Variants in TBC1D32 observed in about 807,000 individuals in gnomAD.
The protein encoded by TBC1D32 is TBC1 domain family member 32, also known as protein broad-minded.
TBC1D32 carries 151 observed loss-of-function variants against 170.3 expected under a neutral mutation model. The observed-to-expected ratio is 0.89, with a 90% CI of 0.78 to 1.01. The LOEUF is 1.01. TBC1D32 is among the 50% of genes least tolerant of loss of function. The pLI is 0.00. For missense variants in TBC1D32, 1,464 were observed against 1,457.1 expected (o/e 1.00, Z -0.08); for synonymous variants, 498 against 488.0 (o/e 1.02, Z -0.27).
chr6:121,199,735 G>C (rs1417132805), intron 22 of TBC1D32, among the ~76,000 whole-genome samples: 2 of 151,026 alleles, frequency 1.3e-5, no homozygotes, highest in Non-Finnish European at 1.5e-5. Flanking sequence ...GATTACAAGA[G>C]GTAATTGTGA....
chr6:121,152,647 T>C (rs961559990), intron 24 of TBC1D32, among the ~76,000 whole-genome samples: 1 of 152,214 alleles, frequency 6.6e-6, no homozygotes, highest in Non-Finnish European at 1.5e-5. Flanking sequence ...CAATCAAATG[T>C]AGGTTTGGTC....
At chr6:121,288,008 T>C (rs1159213830) in intron 12 of TBC1D32, among the ~76,000 whole-genome samples, 1 of 152,152 alleles carries the variant, frequency 6.6e-6, no homozygotes, top group South Asian at 2.1e-4. Flanking sequence ...AAACAGTGTG[T>C]AGAGGGAAAT....
chr6:121,242,366 C>G (rs374751241), intron 17 of TBC1D32, 27 bp from the exon 18 acceptor site: 159 of 1,606,004 alleles, frequency 9.9e-5, no homozygotes, highest in South Asian at 1.9e-4. Flanking sequence ...AAAGGTAGAG[C>G]TTTCTTTAAG....
At chr6:121,295,126 A>C (rs1805421907) in intron 10 of TBC1D32, among the ~76,000 whole-genome samples, 1 of 151,960 alleles carries the variant, frequency 6.6e-6, no homozygotes, top group South Asian at 2.1e-4. Context: ...ATTCAAAGAA[A>C]AGAGTCACAA....
chr6:121,218,863 A>C (rs1020975567), intron 21 of TBC1D32, among the ~76,000 whole-genome samples: 1 of 152,088 alleles, frequency 6.6e-6, no homozygotes, highest in Admixed American at 6.5e-5. Context: ...TTTGCTCAGC[A>C]CTTCTCTTGC....
intron 9 of TBC1D32, among the ~76,000 whole-genome samples, chr6:121,299,780 A>G (rs1806190702): frequency 6.6e-6 from 1 of 152,200 alleles, no homozygotes; most frequent in African/African-American, 2.4e-5. Context: ...ATGCTAAACT[A>G]TTTTAAAACC....
At chr6:121,314,034 A>C (rs752032992) in intron 3 of TBC1D32, among the ~76,000 whole-genome samples, 1 of 152,196 alleles carries the variant, frequency 6.6e-6, no homozygotes, top group Non-Finnish European at 1.5e-5. Context: ...ATAAGGAAAA[A>C]AACCTACTCA....
intron 21 of TBC1D32, among the ~76,000 whole-genome samples, chr6:121,214,563 A>G (rs1437714558): frequency 6.6e-6 from 1 of 152,170 alleles, no homozygotes; most frequent in Non-Finnish European, 1.5e-5. Context: ...GCATAAAGCA[A>G]GCAGCTTCTA....
At chr6:121,291,635 A>T (rs924143358) in intron 12 of TBC1D32, among the ~76,000 whole-genome samples, 1 of 152,136 alleles carries the variant, frequency 6.6e-6, no homozygotes, top group African/African-American at 2.4e-5. Flanking sequence ...ATAAAACAGT[A>T]TTTGCAACCT....
chr6:121,097,538 A>C (rs1670755817), intron 30 of TBC1D32, among the ~76,000 whole-genome samples: 2 of 152,178 alleles, frequency 1.3e-5, no homozygotes, highest in South Asian at 4.1e-4. Context: ...AAAAGTCAGG[A>C]AACAACAGAT....
intron 22 of TBC1D32, among the ~76,000 whole-genome samples, chr6:121,169,718 T>A (rs1190077699): frequency 3.3e-5 from 5 of 152,146 alleles, no homozygotes; most frequent in Non-Finnish European, 7.4e-5. Context: ...ACAAAAAACC[T>A]AGAGTATCAA....
chr6:121,105,096 A>T (rs1407110012), intron 30 of TBC1D32, among the ~76,000 whole-genome samples: 2 of 151,946 alleles, frequency 1.3e-5, no homozygotes, highest in African/African-American at 2.4e-5. Flanking sequence ...AATATCTACA[A>T]ATCAATAAGA....
At chr6:121,160,880 T>A in intron 23 of TBC1D32, 68 bp downstream of exon 23, 1 of 1,224,710 alleles carries the variant, frequency 8.2e-7, no homozygotes, top group South Asian at 1.2e-5. Context: ...AGGGTGACTT[T>A]GAGTTGGCTA....
At chr6:121,230,345 C>A (rs1473399593) in intron 20 of TBC1D32, among the ~76,000 whole-genome samples, 1 of 152,100 alleles carries the variant, frequency 6.6e-6, no homozygotes, top group Non-Finnish European at 1.5e-5. Flanking sequence ...ATATGCCAAG[C>A]ATTCTGCCAT....
chr6:121,183,155 T>C (rs1257293959), intron 22 of TBC1D32, among the ~76,000 whole-genome samples: 1 of 152,014 alleles, frequency 6.6e-6, no homozygotes, highest in Non-Finnish European at 1.5e-5. Flanking sequence ...AAAACAGTCT[T>C]ACAGTAGGCA....
chr6:121,304,491 A>G, intron 7 of TBC1D32, 31 bp downstream of exon 7: 1 of 1,602,996 alleles, frequency 6.2e-7, no homozygotes, highest in Non-Finnish European at 8.5e-7. Flanking sequence ...TAAATAAATA[A>G]AAATGAAAGC....
At chr6:121,323,232 T>A (rs1440157942) in intron 1 of TBC1D32, among the ~76,000 whole-genome samples, 1 of 152,144 alleles carries the variant, frequency 6.6e-6, no homozygotes, top group Non-Finnish European at 1.5e-5. Context: ...CTCCCTTTTT[T>A]CTCTATCAAT....
chr6:121,321,911 G>C, intron 1 of TBC1D32, 117 bp from the exon 2 acceptor site: 20 of 964,120 alleles, frequency 2.1e-5, no homozygotes, highest in Non-Finnish European at 2.9e-5. Flanking sequence ...GATTAAATTA[G>C]TCATTCATCA....
At chr6:121,269,452 G>A (rs966522499) in intron 15 of TBC1D32, among the ~76,000 whole-genome samples, 1 of 73,412 alleles carries the variant, frequency 1.4e-5, no homozygotes, top group Non-Finnish European at 5.4e-5. Flanking sequence ...AAAAAGCAGG[G>A]GTTGCAATCC....
Sources: allele counts gnomAD v4.1 joint callset (sites outside exome capture counted in the v4.1 genomes callset), GRCh38; gene constraint gnomAD v4.1.1; transcripts MANE v1.5; gene names NCBI Gene and HGNC (gene_info 2026-07-23, HGNC 2026-07-21).